MYRIP: variants seen among roughly 807,000 people sequenced by gnomAD.
The protein encoded by MYRIP is rab effector MyRIP.
Under a neutral mutation model 98.0 loss-of-function variants are expected in MYRIP, and 49 were observed. The ratio of observed to expected loss-of-function variants is 0.50; its 90% CI spans 0.40 to 0.63. The LOEUF is 0.63. Ranked by LOEUF, MYRIP falls within the 30% of genes least tolerant of loss-of-function variation. The probability of loss-of-function intolerance (pLI) is 0.00; values close to 1 mark genes in which losing one functional copy is unlikely to be tolerated. For missense variants in MYRIP, 1,004 were observed against 1,058.2 expected, an observed-to-expected ratio of 0.95 and a Z score of 0.71; for synonymous variants, 404 against 409.5, an observed-to-expected ratio of 0.99 and a Z score of 0.16.
At chr3:39,906,050 G>A (rs1943870799) in intron 2 of MYRIP, among the ~76,000 whole-genome samples, 1 of 152,008 alleles carries the variant, frequency 6.6e-6, no homozygotes, top group African/African-American at 2.4e-5. Flanking sequence ...TGCAGAGCAT[G>A]CTTTGGGGTC....
chr3:40,130,876 G>C (rs181660518), intron 3 of MYRIP, among the ~76,000 whole-genome samples: 1 of 151,994 alleles, frequency 6.6e-6, no homozygotes, highest in African/African-American at 2.4e-5. Flanking sequence ...ATCCTGGCTA[G>C]TTATATGACC....
At chr3:39,938,486 C>A (rs963759197) in intron 2 of MYRIP, among the ~76,000 whole-genome samples, 7 of 152,072 alleles carry the variant, frequency 4.6e-5, no homozygotes, top group African/African-American at 1.7e-4. Context: ...TATGTATATA[C>A]CCAAAGATGG....
At chr3:39,856,562 C>T (rs940162685) in intron 1 of MYRIP, among the ~76,000 whole-genome samples, 15 of 152,234 alleles carry the variant, frequency 9.9e-5, no homozygotes, top group African/African-American at 3.6e-4. Flanking sequence ...AAAGCCCTGC[C>T]TGACCACGAT....
chr3:39,876,849 T>C (rs976267352), intron 1 of MYRIP, among the ~76,000 whole-genome samples: 1 of 152,110 alleles, frequency 6.6e-6, no homozygotes, highest in Non-Finnish European at 1.5e-5. Flanking sequence ...GGAGTATCTT[T>C]GTGGTGTTCT....
rs151008524 is a variant in MYRIP at position 40,161,794 on chromosome 3, C to G, written c.470-936C>G. 4.9e-3 allele frequency among the ~76,000 whole-genome samples: 743 copies of G among 152,280 alleles called. 2 individuals are homozygous for G. The highest frequency in any genetic ancestry group is 8.1e-3 in the Admixed American group (124 of 15,302). On this transcript the variant is annotated intron_variant, in intron 4 of 16. Coordinates refer to ENST00000302541, the MANE Select transcript of MYRIP (RefSeq NM_015460.4). ...CTCACTCTACACTCACCTCCCCCTT[C>G]CAAGCTATTCTCTACGCAGTAGCCA...
At position 40,103,932 on chromosome 3, in the gene MYRIP, G is replaced by A. The variant is rs181626065; in HGVS notation, c.333-47116G>A. On this transcript the variant is annotated intron_variant, in intron 3 of 16. Coordinates refer to ENST00000302541, the MANE Select transcript of MYRIP (RefSeq NM_015460.4). ...AAAATTTCTAGAATGTTGACAGTAT[G>A]CCATCAATATGGTAGATACACTTTA... Among the ~76,000 whole-genome samples the A allele has an allele frequency of 2.0e-3, 312 of 152,296 alleles. 2 individuals are homozygous for A. Among genetic ancestry groups the A allele is most frequent in the Middle Eastern group, 0.01 (3 of 294 alleles).
At chr3:40,197,363 C>G (rs890442732) in intron 10 of MYRIP, among the ~76,000 whole-genome samples, 3 of 152,180 alleles carry the variant, frequency 2.0e-5, no homozygotes, top group Admixed American at 2.0e-4. Context: ...TGACCAGTAC[C>G]AGTCCATGGC....
chr3:40,026,725 C>T (rs1011354478), intron 2 of MYRIP, among the ~76,000 whole-genome samples: 2 of 152,150 alleles, frequency 1.3e-5, no homozygotes, highest in Non-Finnish European at 2.9e-5. Flanking sequence ...TAGCTTCCAC[C>T]ACTGAAATTG....
chr3:40,029,335 A>G (rs1050503963), intron 2 of MYRIP, among the ~76,000 whole-genome samples: 1 of 152,190 alleles, frequency 6.6e-6, no homozygotes, highest in Non-Finnish European at 1.5e-5. Flanking sequence ...CTGGTCTGAC[A>G]TAGTTTTCAC....
At chr3:40,071,868 T>G (rs1272304955) in intron 3 of MYRIP, among the ~76,000 whole-genome samples, 1 of 152,188 alleles carries the variant, frequency 6.6e-6, no homozygotes, top group African/African-American at 2.4e-5. Context: ...TTTCTTGCCT[T>G]TCACAGGGCA....
chr3:40,256,154 GC>G (rs1953582093), intron 16 of MYRIP, among the ~76,000 whole-genome samples: 1 of 152,166 alleles, frequency 6.6e-6, no homozygotes, highest in Admixed American at 6.5e-5. Context: ...GCCACATGTA[GC>G]TAGTGGCCAC....
chr3:40,172,312 G>C (rs1342806038), intron 8 of MYRIP, among the ~76,000 whole-genome samples: 1 of 152,168 alleles, frequency 6.6e-6, no homozygotes, highest in African/African-American at 2.4e-5. Flanking sequence ...TTAGGGAGCT[G>C]TCAGGGAAAA....
intron 2 of MYRIP, among the ~76,000 whole-genome samples, chr3:40,032,120 G>A: frequency 6.6e-6 from 1 of 151,890 alleles, no homozygotes; most frequent in Non-Finnish European, 1.5e-5. Flanking sequence ...TCTCTTGTGG[G>A]CATTTAGTGC....
At chr3:40,219,320 T>G (rs1027748918) in intron 11 of MYRIP, among the ~76,000 whole-genome samples, 3 of 152,162 alleles carry the variant, frequency 2.0e-5, no homozygotes, top group African/African-American at 7.2e-5. Flanking sequence ...TTTTGTTTGT[T>G]TTATTTTATT....
At chr3:40,090,285 T>G (rs1268695387) in intron 3 of MYRIP, among the ~76,000 whole-genome samples, 1 of 152,160 alleles carries the variant, frequency 6.6e-6, no homozygotes. Context: ...ACAGGTGCTC[T>G]GTGCTGAAAT....
At chr3:40,017,496 T>G (rs1946889633) in intron 2 of MYRIP, among the ~76,000 whole-genome samples, 1 of 152,158 alleles carries the variant, frequency 6.6e-6, no homozygotes, top group African/African-American at 2.4e-5. Flanking sequence ...AGCTGACCCC[T>G]GATTCTGTAT....
intron 10 of MYRIP, among the ~76,000 whole-genome samples, chr3:40,206,299 A>G (rs1044415340): frequency 7.9e-5 from 12 of 152,260 alleles, no homozygotes; most frequent in Admixed American, 5.2e-4. Flanking sequence ...TTGTTAATCT[A>G]CTTGATGAAT....
intron 10 of MYRIP, among the ~76,000 whole-genome samples, chr3:40,204,209 T>TTATATA: frequency 6.0e-5 from 2 of 33,194 alleles, no homozygotes; most frequent in South Asian, 2.9e-3. Flanking sequence ...ATTATATATT[T>TTATATA]ATATATTATA....
intron 8 of MYRIP, 43 bp downstream of exon 8, chr3:40,170,136 G>A (rs375732704): frequency 6.2e-7 from 1 of 1,605,762 alleles, no homozygotes; most frequent in African/African-American, 1.3e-5. Context: ...ACACGTGCAG[G>A]TCTGGGGCAC....
Sources: allele counts gnomAD v4.1 joint callset (sites outside exome capture counted in the v4.1 genomes callset), GRCh38; gene constraint gnomAD v4.1.1; transcripts MANE v1.5; gene names NCBI Gene and HGNC (gene_info 2026-07-23, HGNC 2026-07-21).